The following HHAT variants were observed in gnomAD, a reference collection of about 807,000 sequenced individuals.
The protein encoded by HHAT is hedgehog acyltransferase.
Under a neutral mutation model 70.8 loss-of-function variants are expected in HHAT, and 47 were observed. That is an observed-to-expected ratio of 0.66 (90% CI 0.53 to 0.85). The LOEUF is 0.85. Among genes scored for constraint, HHAT ranks in the 40% least tolerant of loss-of-function variants. HHAT has a pLI of 0.00. For missense variants in HHAT, 609 were observed against 604.8 expected (o/e 1.01, Z -0.07); for synonymous variants, 228 against 247.6 (o/e 0.92, Z 0.74).
intron 7 of HHAT, among the ~76,000 whole-genome samples, chr1:210,447,029 C>T (rs992674994): frequency 2.6e-5 from 4 of 152,138 alleles, no homozygotes; most frequent in Admixed American, 6.5e-5. Flanking sequence ...AGTAGTGCAG[C>T]GGGTCAGGCT....
chr1:210,391,065 G>A (rs2091428686), intron 4 of HHAT, among the ~76,000 whole-genome samples: 1 of 152,140 alleles, frequency 6.6e-6, no homozygotes, highest in Non-Finnish European at 1.5e-5. Context: ...AGTTCCTTAA[G>A]GAATTCCTAT....
At chr1:210,608,518 G>T (rs955802178) in intron 10 of HHAT, among the ~76,000 whole-genome samples, 6 of 152,106 alleles carry the variant, frequency 3.9e-5, no homozygotes, top group African/African-American at 1.4e-4. Context: ...CATTTTTTCA[G>T]AATTGCATTG....
chr1:210,513,460 A>G (rs528683909), intron 9 of HHAT, among the ~76,000 whole-genome samples: 6 of 152,304 alleles, frequency 3.9e-5, no homozygotes, highest in African/African-American at 1.4e-4. Flanking sequence ...TGCTGGGAAA[A>G]CTAATTGAAA....
intron 9 of HHAT, among the ~76,000 whole-genome samples, chr1:210,573,728 C>A (rs923107462): frequency 3.3e-5 from 5 of 152,166 alleles, no homozygotes; most frequent in African/African-American, 1.2e-4. Flanking sequence ...CAGGGTATCT[C>A]CTGTTGGTAT....
At chr1:210,645,891 G>A (rs1474848179) in intron 11 of HHAT, among the ~76,000 whole-genome samples, 2 of 151,640 alleles carry the variant, frequency 1.3e-5, no homozygotes, top group Non-Finnish European at 2.9e-5. Flanking sequence ...ACGCTCTCTA[G>A]CCCACAGGGC....
chr1:210,362,151 A>G (rs911332449), intron 2 of HHAT, among the ~76,000 whole-genome samples: 1 of 152,080 alleles, frequency 6.6e-6, no homozygotes, highest in Non-Finnish European at 1.5e-5. Flanking sequence ...TTACCATTAT[A>G]TGACTATTTT....
chr1:210,445,075 T>A (rs951869979), intron 7 of HHAT, among the ~76,000 whole-genome samples: 3 of 152,040 alleles, frequency 2.0e-5, no homozygotes, highest in African/African-American at 7.2e-5. Context: ...CCTGACTGTG[T>A]GATCTGCCTG....
chr1:210,472,945 T>G (rs2094231277), intron 8 of HHAT, among the ~76,000 whole-genome samples: 1 of 152,180 alleles, frequency 6.6e-6, no homozygotes, highest in African/African-American at 2.4e-5. Flanking sequence ...GAGAAGGGGT[T>G]GTAGAGACCA....
At position 210,410,947 on chromosome 1, in the gene HHAT, T is replaced by C. The variant is rs189975403; in HGVS notation, c.684+6268T>C. 2.8e-3 allele frequency among the ~76,000 whole-genome samples: 431 copies of C among 152,332 alleles called. 3 individuals carry two copies. Among genetic ancestry groups the C allele is most frequent in the Non-Finnish European group, 3.2e-3 (216 of 68,016 alleles). ...CCTGTAGTGACATGTAATTATGCCT[T>C]ATTATACCTGGTAGGGAAGTTTTAG... On this transcript the variant is annotated intron_variant, in intron 6 of 11. Transcript: ENST00000261458.
intron 7 of HHAT, among the ~76,000 whole-genome samples, chr1:210,442,292 A>G (rs909706973): frequency 7.5e-6 from 1 of 133,304 alleles, no homozygotes; most frequent in Non-Finnish European, 1.6e-5. Flanking sequence ...GCTATTGTGA[A>G]TAATGCCGCA....
chr1:210,336,304 T>TTTTTTTTA, intron 1 of HHAT, among the ~76,000 whole-genome samples: 1 of 144,802 alleles, frequency 6.9e-6, no homozygotes, highest in Non-Finnish European at 1.5e-5. Context: ...TTTTTTTTTT[T>TTTTTTTTA]TTTTTTAGAG....
chr1:210,351,047 C>A (rs1033560071), intron 2 of HHAT, among the ~76,000 whole-genome samples: 1 of 152,056 alleles, frequency 6.6e-6, no homozygotes, highest in Non-Finnish European at 1.5e-5. Context: ...AGGAATTGGC[C>A]CACACAATTA....
At chr1:210,400,049 C>T (rs11119483) in intron 4 of HHAT, among the ~76,000 whole-genome samples, 25,393 of 152,204 alleles carry the variant, frequency 0.17, 2,464 homozygotes, top group Admixed American at 0.25. Flanking sequence ...GAAATGTGTA[C>T]TAATACTTTC....
intron 9 of HHAT, among the ~76,000 whole-genome samples, chr1:210,526,469 A>G (rs1028061258): frequency 2.0e-5 from 3 of 151,394 alleles, no homozygotes; most frequent in African/African-American, 4.9e-5. Flanking sequence ...AGCTTTGCCT[A>G]TGAGCTGCGT....
intron 7 of HHAT, among the ~76,000 whole-genome samples, chr1:210,439,149 C>T (rs1490780888): frequency 6.6e-6 from 1 of 151,840 alleles, no homozygotes; most frequent in African/African-American, 2.4e-5. Flanking sequence ...CATCCTCAGC[C>T]CACAGAGAAT....
At chr1:210,429,652 T>C (rs2093183402) in intron 7 of HHAT, among the ~76,000 whole-genome samples, 1 of 151,732 alleles carries the variant, frequency 6.6e-6, no homozygotes, top group South Asian at 2.1e-4. Context: ...ATTGTATCTG[T>C]GGGATGCGTA....
chr1:210,329,566 T>C (rs1008532202), intron 1 of HHAT: 1 of 862,954 alleles, frequency 1.2e-6, no homozygotes, highest in South Asian at 5.3e-5. Flanking sequence ...GGCAGGTCTT[T>C]ATGCGGAAAA....
At chr1:210,440,809 C>T (rs1023589375) in intron 7 of HHAT, among the ~76,000 whole-genome samples, 1 of 149,480 alleles carries the variant, frequency 6.7e-6, no homozygotes, top group Non-Finnish European at 1.5e-5. Context: ...ACAGCCAAAT[C>T]TAGGTTCCCT....
At chr1:210,626,985 C>A (rs1440927475) in intron 11 of HHAT, among the ~76,000 whole-genome samples, 2 of 152,200 alleles carry the variant, frequency 1.3e-5, no homozygotes, top group Non-Finnish European at 2.9e-5. Flanking sequence ...CCCATCTTTA[C>A]ACACTGAGGA....
Sources: gnomAD v4.1 joint callset for allele counts (sites outside exome capture counted in the v4.1 genomes callset) on GRCh38, gnomAD v4.1.1 for gene constraint, MANE v1.5 for transcripts, NCBI Gene and HGNC (gene_info 2026-07-23, HGNC 2026-07-21) for gene names.